The following PRR16 variants were observed in gnomAD, a reference collection of about 807,000 sequenced individuals.
PRR16 encodes the protein protein Largen.
A neutral mutation model predicts 18.2 loss-of-function variants in PRR16; 6 were observed. The ratio of observed to expected loss-of-function variants is 0.33; its 90% CI spans 0.18 to 0.65. The LOEUF (loss-of-function observed/expected upper bound fraction) is 0.65. Among genes scored for constraint, PRR16 ranks in the 30% least tolerant of loss-of-function variants. The pLI, the probability that PRR16 is intolerant of heterozygous loss-of-function variation, is 0.74. For synonymous variants in PRR16, 151 were observed against 147.8 expected (o/e 1.02, Z -0.16); for missense variants, 412 against 376.6 (o/e 1.09, Z -0.78).
chr5:120,780,454 A>G, the PRR16 span, among the ~76,000 whole-genome samples: 2 of 152,198 alleles, frequency 1.3e-5, no homozygotes, highest in Non-Finnish European at 2.9e-5. Context: ...AGGGATTTCT[A>G]GAAAACATTT....
intron 1 of PRR16, among the ~76,000 whole-genome samples, chr5:120,478,817 A>G (rs1274775800): frequency 2.6e-5 from 4 of 152,134 alleles, no homozygotes; most frequent in Non-Finnish European, 4.4e-5. Flanking sequence ...AAGCATGTCT[A>G]CTTTTTACAA....
At chr5:120,563,910 C>T (rs531017882) in intron 1 of PRR16, among the ~76,000 whole-genome samples, 14 of 152,306 alleles carry the variant, frequency 9.2e-5, no homozygotes, top group Admixed American at 9.2e-4. Flanking sequence ...ACATGGCATA[C>T]TAAACGGGTA....
At chr5:120,562,835 T>G (rs867976701) in intron 1 of PRR16, among the ~76,000 whole-genome samples, 1 of 152,302 alleles carries the variant, frequency 6.6e-6, no homozygotes, top group African/African-American at 2.4e-5. Flanking sequence ...CTTATTGTAT[T>G]GTCTATGTCT....
chr5:120,771,045 TATAAC>T, the PRR16 span, among the ~76,000 whole-genome samples: 6 of 151,918 alleles, frequency 3.9e-5, no homozygotes, highest in East Asian at 1.9e-4. Flanking sequence ...TTTAAGATAA[TATAAC>T]ATTCATTTAT....
intron 1 of PRR16, among the ~76,000 whole-genome samples, chr5:120,489,057 G>C (rs1284548044): frequency 1.3e-5 from 2 of 152,192 alleles, no homozygotes; most frequent in Non-Finnish European, 2.9e-5. Flanking sequence ...TTGCTGAGGA[G>C]AGCTTTACTT....
At chr5:120,467,910 A>G (rs1248526421) in intron 1 of PRR16, among the ~76,000 whole-genome samples, 1 of 152,154 alleles carries the variant, frequency 6.6e-6, no homozygotes, top group Non-Finnish European at 1.5e-5. Context: ...AGCACCTACC[A>G]TGTTCCAAGT....
Position 120,464,464 on chromosome 5 carries a change from C to T in PRR16, c.-23C>T. ...GCCTCCGCTCGCCCGCCTGTCCTGA[C>T]CTGCCTCGCTTGCCCCCAAAGAATG... On this transcript the variant is annotated 5_prime_UTR_variant, in exon 1 of 2. Transcript: ENST00000407149. The T allele has an allele frequency of 4.4e-6, 7 of 1,573,158 alleles. No individual in the cohort carries two copies. Among genetic ancestry groups the T allele is most frequent in the Middle Eastern group, 1.7e-4 (1 of 5,984 alleles).
intron 1 of PRR16, among the ~76,000 whole-genome samples, chr5:120,585,280 G>T (rs2112763075): frequency 6.6e-6 from 1 of 152,240 alleles, no homozygotes; most frequent in East Asian, 1.9e-4. Flanking sequence ...GAGCTGATTT[G>T]AAGAATGAAG....
At chr5:120,472,845 A>T (rs1749313588) in intron 1 of PRR16, among the ~76,000 whole-genome samples, 1 of 152,146 alleles carries the variant, frequency 6.6e-6, no homozygotes, top group Admixed American at 6.5e-5. Context: ...TGTGTGTCTG[A>T]AAGTTAACTC....
chr5:120,782,151 G>A, the PRR16 span, among the ~76,000 whole-genome samples: 1 of 152,130 alleles, frequency 6.6e-6, no homozygotes, highest in Non-Finnish European at 1.5e-5. Flanking sequence ...TGTGGTTGGT[G>A]TTATTTTGGA....
At chr5:120,780,994 G>A in the PRR16 span, among the ~76,000 whole-genome samples, 1 of 152,176 alleles carries the variant, frequency 6.6e-6, no homozygotes, top group African/African-American at 2.4e-5. Flanking sequence ...AAGTTGCAGT[G>A]AGCCGAGATC....
At chr5:120,556,173 C>T (rs886721671) in intron 1 of PRR16, among the ~76,000 whole-genome samples, 7 of 150,916 alleles carry the variant, frequency 4.6e-5, no homozygotes, top group African/African-American at 1.5e-4. Flanking sequence ...GTAAACAACT[C>T]GCCTATTCTC....
At chr5:120,708,952 T>G in the PRR16 span, among the ~76,000 whole-genome samples, 2 of 150,904 alleles carry the variant, frequency 1.3e-5, no homozygotes, top group African/African-American at 4.9e-5. Context: ...TCTTCTGAAT[T>G]TATCTTTACT....
intron 1 of PRR16, among the ~76,000 whole-genome samples, chr5:120,674,339 G>A (rs1229068156): frequency 2.6e-5 from 4 of 152,048 alleles, no homozygotes; most frequent in Non-Finnish European, 5.9e-5. Context: ...CATTTTTATT[G>A]TGCCAGAATA....
chr5:120,604,337 A>T (rs1754082176), intron 1 of PRR16, among the ~76,000 whole-genome samples: 1 of 151,828 alleles, frequency 6.6e-6, no homozygotes, highest in Middle Eastern at 3.4e-3. Flanking sequence ...ATCATTGACG[A>T]TGTAGTTTGT....
chr5:120,605,064 C>G (rs944678674), intron 1 of PRR16, among the ~76,000 whole-genome samples: 1 of 152,080 alleles, frequency 6.6e-6, no homozygotes, highest in Non-Finnish European at 1.5e-5. Flanking sequence ...CTCTGAAATT[C>G]CTGAATTTGC....
chr5:120,523,121 CT>C (rs5870896), intron 1 of PRR16, among the ~76,000 whole-genome samples: 33,463 of 152,050 alleles, frequency 0.22, 3,967 homozygotes, highest in African/African-American at 0.31. Context: ...GAATGATTTG[CT>C]TTTAAATCTT....
At chr5:120,762,556 C>G in the PRR16 span, among the ~76,000 whole-genome samples, 1 of 152,082 alleles carries the variant, frequency 6.6e-6, no homozygotes. Flanking sequence ...CTCTCCTGGG[C>G]TCAAGCAATC....
the PRR16 span, among the ~76,000 whole-genome samples, chr5:120,780,611 C>T: frequency 6.6e-6 from 1 of 152,162 alleles, no homozygotes; most frequent in Admixed American, 6.5e-5. Context: ...AATAGGTTGT[C>T]AAAAAATCCC....
Sources: gnomAD v4.1 joint callset for allele counts (sites outside exome capture counted in the v4.1 genomes callset) on GRCh38, gnomAD v4.1.1 for gene constraint, MANE v1.5 for transcripts, NCBI Gene and HGNC (gene_info 2026-07-23, HGNC 2026-07-21) for gene names.